Variants in MIPOL1 observed in about 807,000 individuals in gnomAD.
The protein encoded by MIPOL1 is mirror-image polydactyly 1, also known as mirror-image polydactyly gene 1 protein.
Under a neutral mutation model 60.9 loss-of-function variants are expected in MIPOL1, and 57 were observed. The observed-to-expected ratio is 0.94, with a 90% CI of 0.76 to 1.17. The LOEUF is 1.17. Ranked by LOEUF, MIPOL1 falls within the 50% of genes most tolerant of loss-of-function variation. The probability of loss-of-function intolerance (pLI) is 0.00; values close to 1 mark genes in which losing one functional copy is unlikely to be tolerated. For synonymous variants in MIPOL1, 179 were observed against 168.8 expected, an observed-to-expected ratio of 1.06 and a Z score of -0.47; for missense variants, 551 against 511.6, an observed-to-expected ratio of 1.08 and a Z score of -0.74.
intron 1 of MIPOL1, among the ~76,000 whole-genome samples, chr14:37,210,302 T>TA (rs998567910): frequency 1.7e-4 from 26 of 151,760 alleles, no homozygotes; most frequent in African/African-American, 6.1e-4. Context: ...CTTTTTTTTT[T>TA]AATGGCTCAT....
At chr14:37,488,127 A>G (rs1422607026) in intron 11 of MIPOL1, among the ~76,000 whole-genome samples, 1 of 152,064 alleles carries the variant, frequency 6.6e-6, no homozygotes, top group Admixed American at 6.5e-5. Flanking sequence ...TTCAGATTCC[A>G]TGTAGTTGTG....
At chr14:37,458,899 G>C (rs1035823367) in intron 11 of MIPOL1, among the ~76,000 whole-genome samples, 1 of 151,570 alleles carries the variant, frequency 6.6e-6, no homozygotes, top group East Asian at 1.9e-4. Flanking sequence ...AAAATAAACA[G>C]TTTGTTTCTG....
At chr14:37,323,698 C>G (rs1226294666) in intron 9 of MIPOL1, among the ~76,000 whole-genome samples, 2 of 151,974 alleles carry the variant, frequency 1.3e-5, no homozygotes, top group Admixed American at 6.6e-5. Context: ...CCCATGTAAC[C>G]ACATCCTTTT....
At chr14:37,474,288 T>G (rs1021340962) in intron 11 of MIPOL1, among the ~76,000 whole-genome samples, 6 of 152,132 alleles carry the variant, frequency 3.9e-5, no homozygotes, top group African/African-American at 1.4e-4. Flanking sequence ...GGAGCATGAT[T>G]GCTAGATCAT....
intron 10 of MIPOL1, among the ~76,000 whole-genome samples, chr14:37,417,452 C>T (rs1202722430): frequency 6.6e-6 from 1 of 152,158 alleles, no homozygotes; most frequent in Non-Finnish European, 1.5e-5. Context: ...AAGGAATCAG[C>T]TGTAGGGAAC....
chr14:37,222,647 C>G (rs1176116406), intron 1 of MIPOL1, among the ~76,000 whole-genome samples: 1 of 152,064 alleles, frequency 6.6e-6, no homozygotes, highest in East Asian at 1.9e-4. Flanking sequence ...TATCTGAGAC[C>G]TCATCAGAAT....
rs1292492978 is a variant in MIPOL1, at chr14:37,471,596, T to C, written c.1032-28312T>C. Reference sequence around the variant, plus strand: ...TTCTTATGCTTTCTTTAAAATCCTTTAGTAGTTTCTCATTTGCCCTATGAT... The same window carrying C: ...TTCTTATGCTTTCTTTAAAATCCTTCAGTAGTTTCTCATTTGCCCTATGAT... On this transcript the variant is annotated intron_variant, in intron 11 of 12. Coordinates refer to ENST00000684589, the MANE Select transcript of MIPOL1 (RefSeq NM_001388067.1). 3.3e-5 allele frequency among the ~76,000 whole-genome samples: 5 copies of C among 152,318 alleles called. No homozygotes were observed. The East Asian group carries it at 9.7e-4, about 29-fold the overall frequency.
chr14:37,342,706 A>G (rs1229508430), intron 9 of MIPOL1, among the ~76,000 whole-genome samples: 3 of 152,008 alleles, frequency 2.0e-5, no homozygotes, highest in East Asian at 1.9e-4. Context: ...GCAATTCACA[A>G]TTTTTTAAAT....
chr14:37,281,395 T>C (rs1398037434), intron 6 of MIPOL1, among the ~76,000 whole-genome samples: 2 of 152,132 alleles, frequency 1.3e-5, no homozygotes, highest in Non-Finnish European at 2.9e-5. Context: ...ATGCTGTTTT[T>C]TTGTTGTTTT....
At chr14:37,391,905 A>G (rs1166679538) in intron 10 of MIPOL1, among the ~76,000 whole-genome samples, 1 of 152,192 alleles carries the variant, frequency 6.6e-6, no homozygotes, top group Non-Finnish European at 1.5e-5. Context: ...GAAAAGGACA[A>G]GAATTTGAAT....
chr14:37,403,792 A>C (rs951504184), intron 10 of MIPOL1, among the ~76,000 whole-genome samples: 2 of 152,160 alleles, frequency 1.3e-5, no homozygotes, highest in Non-Finnish European at 2.9e-5. Context: ...TTTCTATTTA[A>C]TGCTGGAAGA....
At chr14:37,511,814 C>T (rs28643310) in intron 12 of MIPOL1, among the ~76,000 whole-genome samples, 4,507 of 151,998 alleles carry the variant, frequency 0.03, 213 homozygotes, top group African/African-American at 0.1. Flanking sequence ...TTACTGTGGG[C>T]CAGATTTACA....
intron 1 of MIPOL1, among the ~76,000 whole-genome samples, chr14:37,233,117 T>G (rs1380395649): frequency 1.3e-5 from 2 of 152,138 alleles, no homozygotes; most frequent in Admixed American, 6.5e-5. Context: ...ACACGTGTAT[T>G]TTATTGTGAT....
At chr14:37,444,301 A>G (rs2094298014) in intron 11 of MIPOL1, among the ~76,000 whole-genome samples, 1 of 152,288 alleles carries the variant, frequency 6.6e-6, no homozygotes, top group Non-Finnish European at 1.5e-5. Flanking sequence ...AAGGTTGCAT[A>G]CAAAATTATG....
chr14:37,318,791 TTTTATTTA>T (rs149083164), intron 9 of MIPOL1, among the ~76,000 whole-genome samples: 42,036 of 149,670 alleles, frequency 0.28, 6,489 homozygotes, highest in East Asian at 0.45. Flanking sequence ...TTTTACTTCA[TTTTATTTA>T]TTTATTTATT....
At chr14:37,201,052 A>G (rs1390977173) in intron 1 of MIPOL1, among the ~76,000 whole-genome samples, 5 of 151,448 alleles carry the variant, frequency 3.3e-5, no homozygotes, top group African/African-American at 1.2e-4. Context: ...ACAGGCACAC[A>G]CCAACATGCC....
At chr14:37,401,460 A>G (rs987014284) in intron 10 of MIPOL1, 14 of 152,090 alleles carry the variant, frequency 9.2e-5, no homozygotes, top group African/African-American at 3.1e-4. Flanking sequence ...CATTTGTTAT[A>G]AAATTGTATA....
intron 6 of MIPOL1, among the ~76,000 whole-genome samples, chr14:37,279,300 GAA>G (rs1451208926): frequency 1.3e-5 from 2 of 150,074 alleles, no homozygotes; most frequent in Non-Finnish European, 3.0e-5. Context: ...TTAATAAAAA[GAA>G]AGAAGCATGC....
chr14:37,495,882 T>A (rs1237561235), intron 11 of MIPOL1, among the ~76,000 whole-genome samples: 2 of 150,410 alleles, frequency 1.3e-5, no homozygotes, highest in East Asian at 2.0e-4. Flanking sequence ...TGGCCAGTGA[T>A]GATGAGCATT....
Sources: gnomAD v4.1 joint callset for allele counts (sites outside exome capture counted in the v4.1 genomes callset) on GRCh38, gnomAD v4.1.1 for gene constraint, MANE v1.5 for transcripts, NCBI Gene and HGNC (gene_info 2026-07-23, HGNC 2026-07-21) for gene names.